The following GALNTL6 variants were observed in gnomAD, a reference collection of about 807,000 sequenced individuals.
The protein encoded by GALNTL6 is polypeptide N-acetylgalactosaminyltransferase like 6, also known as polypeptide N-acetylgalactosaminyltransferase-like 6.
In GALNTL6, 46 loss-of-function variants were observed where a neutral mutation model predicts 73.7. The ratio of observed to expected loss-of-function variants is 0.62; its 90% CI spans 0.49 to 0.80. GALNTL6 has a LOEUF of 0.80. Among genes scored for constraint, GALNTL6 ranks in the 30% least tolerant of loss-of-function variants. The pLI is 0.00. For missense variants in GALNTL6, 604 were observed against 755.0 expected (o/e 0.80, Z 2.34); for synonymous variants, 259 against 263.7 (o/e 0.98, Z 0.17).
intron 2 of GALNTL6, among the ~76,000 whole-genome samples, chr4:171,868,895 G>C (rs1335669201): frequency 1.3e-5 from 2 of 152,130 alleles, no homozygotes; most frequent in Non-Finnish European, 2.9e-5. Flanking sequence ...TGGCCAGGCT[G>C]GTCTCGAACT....
At chr4:172,974,519 C>T (rs1405281208) in intron 10 of GALNTL6, among the ~76,000 whole-genome samples, 1 of 152,032 alleles carries the variant, frequency 6.6e-6, no homozygotes, top group East Asian at 1.9e-4. Flanking sequence ...AACATATGAC[C>T]CAATTATTCA....
chr4:172,663,743 A>G lies in GALNTL6; in HGVS notation c.554-145618A>G, dbSNP rs1241828622. 5.9e-5 allele frequency among the ~76,000 whole-genome samples: 9 copies of G among 152,258 alleles called. No individual in the cohort carries two copies. The East Asian group carries it at 1.5e-3, about 26-fold the overall frequency. On this transcript the variant is annotated intron_variant, in intron 5 of 12. Transcript: ENST00000506823. The stretch of plus-strand genomic sequence containing the variant: ...CAGGAGTTCAGGACCAGCCTGGCCA[A>G]CAGGGCGAAACCCCATCTCTACTAA...
intron 4 of GALNTL6, among the ~76,000 whole-genome samples, chr4:172,333,045 T>G (rs1167355536): frequency 6.6e-6 from 1 of 152,208 alleles, no homozygotes; most frequent in Non-Finnish European, 1.5e-5. Context: ...TGCATATCTC[T>G]GATAATTAAT....
chr4:172,781,146 A>G (rs1739350515), intron 5 of GALNTL6, among the ~76,000 whole-genome samples: 1 of 152,218 alleles, frequency 6.6e-6, no homozygotes, highest in Admixed American at 6.5e-5. Context: ...GTCTGCCTGC[A>G]CTATGTTATA....
intron 2 of GALNTL6, among the ~76,000 whole-genome samples, chr4:172,169,333 C>A (rs1216631747): frequency 6.6e-6 from 1 of 152,202 alleles, no homozygotes; most frequent in African/African-American, 2.4e-5. Flanking sequence ...ATTCCTGCCA[C>A]AGCTGAAAGT....
intron 5 of GALNTL6, among the ~76,000 whole-genome samples, chr4:172,517,143 AC>A (rs1188373358): frequency 6.6e-6 from 1 of 152,162 alleles, no homozygotes; most frequent in African/African-American, 2.4e-5. Flanking sequence ...CTAAACTTTT[AC>A]ACTTCAGAGG....
At chr4:172,478,163 A>C (rs338018) in intron 5 of GALNTL6, among the ~76,000 whole-genome samples, 17,676 of 152,224 alleles carry the variant, frequency 0.12, 1,045 homozygotes, top group East Asian at 0.23. Context: ...TTAGAAAAAA[A>C]AAATCCTAAA....
At chr4:172,884,559 C>G (rs1745623015) in intron 8 of GALNTL6, among the ~76,000 whole-genome samples, 1 of 152,072 alleles carries the variant, frequency 6.6e-6, no homozygotes, top group African/African-American at 2.4e-5. Context: ...ACATTTTCTC[C>G]CATCCTACAG....
chr4:172,356,288 G>C (rs2111229791), intron 5 of GALNTL6, among the ~76,000 whole-genome samples: 1 of 152,236 alleles, frequency 6.6e-6, no homozygotes, highest in South Asian at 2.1e-4. Flanking sequence ...TCTTGGGCAG[G>C]CATAACTTTC....
intron 2 of GALNTL6, among the ~76,000 whole-genome samples, chr4:171,966,633 G>A (rs1277057319): frequency 6.6e-6 from 1 of 152,100 alleles, no homozygotes; most frequent in Non-Finnish European, 1.5e-5. Flanking sequence ...ATATTTAAAA[G>A]GTCTTATCTT....
chr4:172,301,230 G>A (rs940165680), intron 3 of GALNTL6, among the ~76,000 whole-genome samples: 6 of 152,204 alleles, frequency 3.9e-5, no homozygotes, highest in African/African-American at 1.2e-4. Context: ...GGTCCTTTAA[G>A]GACTTCTCTG....
intron 2 of GALNTL6, among the ~76,000 whole-genome samples, chr4:172,130,220 G>A (rs968395951): frequency 1.4e-5 from 2 of 147,204 alleles, no homozygotes; most frequent in African/African-American, 5.0e-5. Context: ...GATTGTGATG[G>A]CCTTTGTCCA....
At chr4:172,964,752 G>A (rs990627912) in intron 10 of GALNTL6, among the ~76,000 whole-genome samples, 17 of 152,196 alleles carry the variant, frequency 1.1e-4, no homozygotes, top group African/African-American at 3.9e-4. Context: ...ACTAGGAGAT[G>A]CATTATCTCA....
At chr4:172,802,706 G>A (rs1414790238) in intron 5 of GALNTL6, among the ~76,000 whole-genome samples, 1 of 152,166 alleles carries the variant, frequency 6.6e-6, no homozygotes, top group Non-Finnish European at 1.5e-5. Flanking sequence ...GGGAGGCTAA[G>A]GCAGGAGAAT....
chr4:172,331,866 A>T (rs1489393091), intron 4 of GALNTL6, among the ~76,000 whole-genome samples: 1 of 152,196 alleles, frequency 6.6e-6, no homozygotes, highest in African/African-American at 2.4e-5. Context: ...CTCCAAGATT[A>T]GTTACTTTTG....
chr4:171,944,085 A>G (rs955893763), intron 2 of GALNTL6, among the ~76,000 whole-genome samples: 1 of 152,086 alleles, frequency 6.6e-6, no homozygotes, highest in African/African-American at 2.4e-5. Flanking sequence ...CAATGATATC[A>G]GCAATCAAAT....
At chr4:171,921,148 A>G (rs780533638) in intron 2 of GALNTL6, among the ~76,000 whole-genome samples, 3 of 152,082 alleles carry the variant, frequency 2.0e-5, no homozygotes, top group Non-Finnish European at 2.9e-5. Context: ...TTTTAGTTAC[A>G]AATTGACAAC....
At chr4:172,219,199 GTATATATATATA>G (rs34783084) in intron 2 of GALNTL6, among the ~76,000 whole-genome samples, 2 of 116,206 alleles carry the variant, frequency 1.7e-5, no homozygotes, top group African/African-American at 6.7e-5. Flanking sequence ...TTAAGCAAGT[GTATATATATATA>G]TATATATATA....
chr4:173,032,355 G>A (rs569191883), intron 12 of GALNTL6, among the ~76,000 whole-genome samples: 1 of 152,208 alleles, frequency 6.6e-6, no homozygotes, highest in African/African-American at 2.4e-5. Flanking sequence ...GGAGGCTGAG[G>A]CAGGAGAATG....
Sources: allele counts gnomAD v4.1 joint callset (sites outside exome capture counted in the v4.1 genomes callset), GRCh38; gene constraint gnomAD v4.1.1; transcripts MANE v1.5; gene names NCBI Gene and HGNC (gene_info 2026-07-23, HGNC 2026-07-21).